RASSF3: variants seen among roughly 807,000 people sequenced by gnomAD.
RASSF3 encodes Ras association domain family member 3, also known as ras association domain-containing protein 3.
A neutral mutation model predicts 19.9 loss-of-function variants in RASSF3; 19 were observed. That is an observed-to-expected ratio of 0.96 (90% CI 0.67 to 1.40). RASSF3 has a LOEUF of 1.40. Ranked by LOEUF, RASSF3 falls within the 40% of genes most tolerant of loss-of-function variation. RASSF3 has a pLI of 0.00. For missense variants in RASSF3, 306 were observed against 289.8 expected, an observed-to-expected ratio of 1.06 and a Z score of -0.41; for synonymous variants, 110 against 104.2, an observed-to-expected ratio of 1.06 and a Z score of -0.34.
At chr12:64,544,378 A>G (rs1015244606), downstream of RASSF3, among the ~76,000 whole-genome samples, 2 of 152,186 alleles carry the variant, frequency 1.3e-5, no homozygotes, top group African/African-American at 4.8e-5. Context: ...AGAAGGAACA[A>G]ACTCCAGACA....
upstream of RASSF3, among the ~76,000 whole-genome samples, chr12:64,532,446 C>A (rs758223490): frequency 6.6e-6 from 1 of 152,146 alleles, no homozygotes; most frequent in Non-Finnish European, 1.5e-5. Context: ...CAAGAAACAT[C>A]GAGAGATTCT....
At chr12:64,611,361 T>C (rs1401478811) in intron 1 of RASSF3, 4 of 152,290 alleles carry the variant, frequency 2.6e-5, no homozygotes, top group Admixed American at 1.3e-4. Context: ...CCAGATGTTT[T>C]GCAAACAAGC....
At chr12:64,569,155 C>T (rs1349490465) in intron 2 of RASSF3, among the ~76,000 whole-genome samples, 1 of 152,250 alleles carries the variant, frequency 6.6e-6, no homozygotes, top group Non-Finnish European at 1.5e-5. Context: ...CACTCAAGTG[C>T]TCAGTGACCC....
intron 1 of RASSF3, among the ~76,000 whole-genome samples, chr12:64,629,108 T>TC (rs1236309504): frequency 6.9e-6 from 1 of 144,052 alleles, no homozygotes; most frequent in Non-Finnish European, 1.5e-5. Flanking sequence ...CTAATTTTCT[T>TC]TTTTTTTTTT....
chr12:64,657,619 C>A (rs1872207088), intron 1 of RASSF3, among the ~76,000 whole-genome samples: 1 of 152,210 alleles, frequency 6.6e-6, no homozygotes, highest in Non-Finnish European at 1.5e-5. Context: ...CAGGGCAGGT[C>A]TCTGCCTGCT....
intron 1 of RASSF3, among the ~76,000 whole-genome samples, chr12:64,527,618 G>A (rs1868615943): frequency 6.6e-6 from 1 of 152,130 alleles, no homozygotes. Context: ...TTTGATATAC[G>A]ATTACATTTT....
chr12:64,513,084 A>C (rs1868338115), intron 1 of RASSF3, among the ~76,000 whole-genome samples: 1 of 152,134 alleles, frequency 6.6e-6, no homozygotes, highest in African/African-American at 2.4e-5. Flanking sequence ...GGGCTGAGAA[A>C]TGTTCTCAGA....
intron 1 of RASSF3, among the ~76,000 whole-genome samples, chr12:64,620,138 A>T (rs891216970): frequency 3.3e-5 from 5 of 151,820 alleles, no homozygotes; most frequent in Non-Finnish European, 7.4e-5. Context: ...ACCTGCCTTC[A>T]TGGGGGGCGT....
chr12:64,650,757 G>A (rs1456587392), intron 1 of RASSF3, among the ~76,000 whole-genome samples: 1 of 152,096 alleles, frequency 6.6e-6, no homozygotes, highest in Non-Finnish European at 1.5e-5. Flanking sequence ...CTTAAAAAAA[G>A]TCTTTTCCTG....
At chr12:64,676,166 A>AT (rs35376691) in intron 1 of RASSF3, among the ~76,000 whole-genome samples, 18,090 of 106,270 alleles carry the variant, frequency 0.17, 1,763 homozygotes, top group South Asian at 0.29. Context: ...CAGGAGTAGA[A>AT]TTTTTTTTTT....
chr12:64,507,000 A>G (rs548312850), upstream of RASSF3: 5 of 391,946 alleles, frequency 1.3e-5, no homozygotes, highest in South Asian at 1.4e-4. Context: ...AAGAACATCT[A>G]TTAATACAGT....
intron 1 of RASSF3, among the ~76,000 whole-genome samples, chr12:64,681,321 C>A (rs1873118413): frequency 6.6e-6 from 1 of 152,192 alleles, no homozygotes; most frequent in Admixed American, 6.5e-5. Flanking sequence ...GAAAGCACCT[C>A]CACATCTTTG....
intron 1 of RASSF3, among the ~76,000 whole-genome samples, chr12:64,664,573 C>T (rs1057356192): frequency 2.0e-5 from 3 of 152,182 alleles, no homozygotes; most frequent in Non-Finnish European, 4.4e-5. Flanking sequence ...TTATTGTGTA[C>T]TACAGAAGCA....
chr12:64,508,550 T>C (rs1259775080), intron 1 of RASSF3, among the ~76,000 whole-genome samples: 5 of 150,426 alleles, frequency 3.3e-5, no homozygotes, highest in Admixed American at 3.3e-4. Flanking sequence ...GTGACTATGA[T>C]CTATAATCAC....
chr12:64,592,783 C>T (rs930873772), intron 2 of RASSF3, among the ~76,000 whole-genome samples: 1 of 152,084 alleles, frequency 6.6e-6, no homozygotes, highest in Non-Finnish European at 1.5e-5. Context: ...ACTACAGGTG[C>T]ATGCCAAGAT....
intron 2 of RASSF3, among the ~76,000 whole-genome samples, chr12:64,558,323 A>G (rs1343914726): frequency 6.6e-6 from 1 of 152,208 alleles, no homozygotes; most frequent in Non-Finnish European, 1.5e-5. Flanking sequence ...TGTCACCTGG[A>G]TAAGTCATTT....
intron 2 of RASSF3, among the ~76,000 whole-genome samples, chr12:64,560,584 G>C (rs531619877): frequency 6.6e-6 from 1 of 152,136 alleles, no homozygotes; most frequent in Non-Finnish European, 1.5e-5. Context: ...ATTGTGCGAG[G>C]AACTATCCAC....
At chr12:64,686,130 A>G (rs7303641) in intron 2 of RASSF3, among the ~76,000 whole-genome samples, 17,915 of 152,132 alleles carry the variant, frequency 0.12, 1,131 homozygotes, top group Middle Eastern at 0.19. Flanking sequence ...TCCAGCAGCA[A>G]GATTTCTTTT....
At chr12:64,664,266 C>G (rs1872474087) in intron 1 of RASSF3, among the ~76,000 whole-genome samples, 2 of 152,072 alleles carry the variant, frequency 1.3e-5, no homozygotes, top group Admixed American at 1.3e-4. Flanking sequence ...AAAATTTCAC[C>G]ATGAAAAATC....
Sources: allele counts gnomAD v4.1 joint callset (sites outside exome capture counted in the v4.1 genomes callset), GRCh38; gene constraint gnomAD v4.1.1; transcripts MANE v1.5; gene names NCBI Gene and HGNC (gene_info 2026-07-23, HGNC 2026-07-21).